The following GPHN variants were observed in gnomAD, a reference collection of about 807,000 sequenced individuals.
GPHN encodes the protein gephyrin.
In GPHN, 17 loss-of-function variants were observed where a neutral mutation model predicts 95.5. The ratio of observed to expected loss-of-function variants is 0.18; its 90% CI spans 0.12 to 0.27. The LOEUF is 0.27. Among genes scored for constraint, GPHN ranks in the 10% least tolerant of loss-of-function variants. GPHN has a pLI of 1.00. For synonymous variants in GPHN, 320 were observed against 322.5 expected (o/e 0.99, Z 0.08); for missense variants, 660 against 978.1 (o/e 0.67, Z 4.34).
In GPHN at chr14:67,119,556, G is replaced by A. The variant is rs1204563658; in HGVS notation, c.1627-2700G>A. Among the ~76,000 whole-genome samples the A allele has an allele frequency of 5.9e-5, 9 of 152,252 alleles. No homozygotes were observed. The East Asian group carries it at 1.4e-3, about 23-fold the overall frequency. On this transcript the variant is annotated intron_variant, in intron 16 of 22. Transcript: ENST00000478722. ...TGTAATCCCAGCACTTTGGGAGGCC[G>A]AGGTGGGCGGATCACCTGAGGTCAG...
At position 67,060,974 on chromosome 14, in the gene GPHN, A is replaced by G. The variant is rs578051769; in HGVS notation, c.1144+2188A>G. Among the ~76,000 whole-genome samples, 6 of 152,290 alleles carry G rather than the reference A, an allele frequency of 3.9e-5. No homozygotes were observed. The South Asian group carries it at 8.3e-4, about 21-fold the overall frequency. On this transcript the variant is annotated intron_variant, in intron 11 of 22. Coordinates refer to ENST00000478722, the MANE Select transcript of GPHN (RefSeq NM_020806.5). ...TTTTGTCGACAATACTTGTTTTTCT[A>G]CATCCTCTTAAAACTGTCCCTTGTT... is the stretch of plus-strand genomic sequence containing the variant.
the GPHN span, among the ~76,000 whole-genome samples, chr14:67,521,353 A>C: frequency 1.3e-5 from 2 of 152,238 alleles, no homozygotes; most frequent in African/African-American, 4.8e-5. Flanking sequence ...TATTTATAAA[A>C]TGTCACAGAG....
chr14:66,815,424 AG>A (rs1243246539), intron 3 of GPHN, among the ~76,000 whole-genome samples: 1 of 152,212 alleles, frequency 6.6e-6, no homozygotes, highest in Non-Finnish European at 1.5e-5. Flanking sequence ...GTGAAAGGTC[AG>A]GTCACCTACA....
chr14:66,803,694 T>A (rs936786145), intron 3 of GPHN, among the ~76,000 whole-genome samples: 3 of 152,132 alleles, frequency 2.0e-5, no homozygotes, highest in Admixed American at 6.5e-5. Flanking sequence ...CTCTTTCTTT[T>A]TTCTTGTTGT....
intron 2 of GPHN, among the ~76,000 whole-genome samples, chr14:66,752,913 A>T (rs1243698033): frequency 1.3e-5 from 2 of 149,808 alleles, no homozygotes; most frequent in Non-Finnish European, 2.9e-5. Context: ...AGGAATCCTA[A>T]AGTGAAGCAA....
the GPHN span, chr14:67,392,777 G>C: frequency 1.9e-6 from 3 of 1,614,120 alleles, no homozygotes; most frequent in Non-Finnish European, 2.5e-6. Flanking sequence ...CATGAGCATG[G>C]AGGCCAGGGT....
chr14:66,691,351 A>G (rs2067767179), intron 2 of GPHN, among the ~76,000 whole-genome samples: 1 of 151,460 alleles, frequency 6.6e-6, no homozygotes, highest in African/African-American at 2.4e-5. Flanking sequence ...CACCCAGCTA[A>G]TTTTTGTATT....
intron 8 of GPHN, among the ~76,000 whole-genome samples, chr14:66,943,714 T>A (rs2067563764): frequency 6.6e-6 from 1 of 152,144 alleles, no homozygotes; most frequent in South Asian, 2.1e-4. Flanking sequence ...GCCAGTTAAT[T>A]AGAGCTCTTT....
the GPHN span, chr14:67,340,636 G>T: frequency 2.4e-6 from 2 of 828,926 alleles, no homozygotes; most frequent in Non-Finnish European, 3.8e-6. Context: ...TGCATTTAAT[G>T]CAGAGAACTT....
chr14:66,872,041 T>A (rs562619620), intron 4 of GPHN, among the ~76,000 whole-genome samples: 2 of 152,228 alleles, frequency 1.3e-5, no homozygotes, highest in African/African-American at 4.8e-5. Flanking sequence ...TTGTTAAATA[T>A]CCTGTTATGC....
chr14:66,888,444 A>G (rs1170296201), intron 5 of GPHN, among the ~76,000 whole-genome samples: 1 of 152,216 alleles, frequency 6.6e-6, no homozygotes, highest in Non-Finnish European at 1.5e-5. Flanking sequence ...TAAGACATCA[A>G]TAACTAAAAG....
chr14:67,107,954 G>A (rs1454629599), intron 13 of GPHN, among the ~76,000 whole-genome samples: 2 of 152,206 alleles, frequency 1.3e-5, no homozygotes, highest in East Asian at 1.9e-4. Context: ...CCTGGGATGC[G>A]TAGGTGCTCA....
At chr14:67,442,082 A>C in the GPHN span, among the ~76,000 whole-genome samples, 1 of 152,156 alleles carries the variant, frequency 6.6e-6, no homozygotes, top group South Asian at 2.1e-4. Context: ...GAATACATAC[A>C]AATGAATCAA....
At chr14:67,222,999 CTTT>C in the GPHN span, among the ~76,000 whole-genome samples, 2 of 124,772 alleles carry the variant, frequency 1.6e-5, no homozygotes, top group Non-Finnish European at 3.3e-5. Flanking sequence ...TCCCATTGGG[CTTT>C]TTTTTTTTTT....
intron 10 of GPHN, among the ~76,000 whole-genome samples, chr14:67,029,654 C>T (rs1018935187): frequency 1.3e-5 from 2 of 152,012 alleles, no homozygotes; most frequent in African/African-American, 2.4e-5. Context: ...TATTCTTTAG[C>T]GTAAAGGCAC....
chr14:67,388,547 C>T, the GPHN span, among the ~76,000 whole-genome samples: 3 of 152,196 alleles, frequency 2.0e-5, no homozygotes, highest in African/African-American at 7.2e-5. Flanking sequence ...CACAGACTTG[C>T]AAATCTGCTT....
chr14:66,975,191 A>G (rs567790616), intron 9 of GPHN, among the ~76,000 whole-genome samples: 1 of 152,162 alleles, frequency 6.6e-6, no homozygotes, highest in East Asian at 1.9e-4. Context: ...TTTTTCACCA[A>G]CCCGTATTTT....
At chr14:67,248,318 T>C in the GPHN span, among the ~76,000 whole-genome samples, 1 of 152,038 alleles carries the variant, frequency 6.6e-6, no homozygotes, top group Admixed American at 6.6e-5. Flanking sequence ...CCCAGGAGTT[T>C]GAGTCCAGCT....
At position 66,905,412 on chromosome 14, in the gene GPHN, A is replaced by G. The variant is rs116557382; in HGVS notation, c.390-10591A>G. Reference sequence around the variant, plus strand: ...TAGGGAGCTCACATATTGCTGTTTCATTAGGGCCAGTTACTGTTTCATTGC... The same window carrying G: ...TAGGGAGCTCACATATTGCTGTTTCGTTAGGGCCAGTTACTGTTTCATTGC... On this transcript the variant is annotated intron_variant, in intron 5 of 22. Transcript: ENST00000478722. Among the ~76,000 whole-genome samples the G allele has an allele frequency of 3.0e-3, 455 of 152,156 alleles. 3 individuals carry two copies. Among genetic ancestry groups the G allele is most frequent in the African/African-American group, 0.011 (437 of 41,518 alleles).
Sources: gnomAD v4.1 joint callset for allele counts (sites outside exome capture counted in the v4.1 genomes callset) on GRCh38, gnomAD v4.1.1 for gene constraint, MANE v1.5 for transcripts, NCBI Gene and HGNC (gene_info 2026-07-23, HGNC 2026-07-21) for gene names.